Variants in URGCP observed in about 807,000 individuals in gnomAD.
URGCP encodes up-regulator of cell proliferation.
URGCP carries 13 observed loss-of-function variants against 24.6 expected under a neutral mutation model. The ratio of observed to expected loss-of-function variants is 0.53; its 90% CI spans 0.34 to 0.84. The LOEUF is 0.84. Ranked by LOEUF, URGCP falls within the 40% of genes least tolerant of loss-of-function variation. The pLI is 0.01. For synonymous variants in URGCP, 444 were observed against 487.2 expected (o/e 0.91, Z 1.17); for missense variants, 899 against 1,194.3 (o/e 0.75, Z 3.64).
At chr7:43,881,619 C>G in intron 5 of URGCP, 40 bp downstream of exon 5, 2 of 1,613,796 alleles carry the variant, frequency 1.2e-6, no homozygotes, top group Non-Finnish European at 1.7e-6. Context: ...TGATAACCCC[C>G]TTTCATAGAA....
chr7:43,884,612 T>A (rs775750169), intron 3 of URGCP, among the ~76,000 whole-genome samples: 2 of 152,164 alleles, frequency 1.3e-5, no homozygotes, highest in Admixed American at 6.5e-5. Flanking sequence ...GAGGATCACT[T>A]GAGTTCAGGA....
intron 3 of URGCP, among the ~76,000 whole-genome samples, chr7:43,883,365 T>A (rs891691353): frequency 3.1e-3 from 396 of 127,628 alleles, no homozygotes; most frequent in South Asian, 7.6e-3. Context: ...TATATATATT[T>A]TTTTTTTTTT....
At chr7:43,918,809 G>A in intron 1 of URGCP, 2 of 1,147,184 alleles carry the variant, frequency 1.7e-6, no homozygotes. Flanking sequence ...GCACCATGGA[G>A]GAGTTCGCTA....
At chr7:43,893,464 T>C (rs898209500) in intron 1 of URGCP, among the ~76,000 whole-genome samples, 10 of 152,222 alleles carry the variant, frequency 6.6e-5, no homozygotes, top group Non-Finnish European at 1.3e-4. Flanking sequence ...CAGGCTACAG[T>C]AGGCAGTGAC....
intron 1 of URGCP, among the ~76,000 whole-genome samples, chr7:43,892,045 T>A (rs1050579741): frequency 6.6e-6 from 1 of 152,010 alleles, no homozygotes; most frequent in African/African-American, 2.4e-5. Flanking sequence ...CCTCCCAAAG[T>A]GCTGGGATTA....
chr7:43,878,212 T>C lies in URGCP; in HGVS notation c.1251A>G (p.Val417=), dbSNP rs1032994239. The C allele has an allele frequency of 6.2e-7, 1 of 1,614,232 alleles. No individual in the cohort carries two copies. The highest frequency in any genetic ancestry group is 8.5e-7 in the Non-Finnish European group (1 of 1,180,050). ...VLKIDHSHVL[V]KVSSTDSDSF... ...TGTCGCTGTCAGTGCTGCTGACCTTTACCAGGACATGTGAGTGGTCTATTT... is the reference window on the plus strand; with the variant it reads ...TGTCGCTGTCAGTGCTGCTGACCTTCACCAGGACATGTGAGTGGTCTATTT... Residue 417 remains valine, a synonymous_variant, in exon 6 of 6, where the codon GTA becomes GTG. Coordinates refer to ENST00000453200, the MANE Select transcript of URGCP (RefSeq NM_001077663.3). The surrounding 1 kb of genome is among the most constrained non-coding windows in gnomAD (Gnocchi z 5.6).
chr7:43,885,510 GAAC>G (rs10617600), intron 3 of URGCP, among the ~76,000 whole-genome samples: 39,657 of 151,902 alleles, frequency 0.26, 6,388 homozygotes, highest in South Asian at 0.48. Flanking sequence ...AACTCATGAA[GAAC>G]AACTATAAAG....
At chr7:43,896,454 CAAAA>C (rs34790770) in intron 1 of URGCP, among the ~76,000 whole-genome samples, 2 of 85,132 alleles carry the variant, frequency 2.3e-5, no homozygotes. Flanking sequence ...GACTCTGTCT[CAAAA>C]AAAAAAAAAA....
Position 43,876,759 on chromosome 7 carries a change from A to G in URGCP, c.2704T>C (p.Leu902=), listed in dbSNP as rs762017140. The change falls in exon 6 of 6, where the codon TTG becomes CTG. Residue 902 remains leucine (L), a synonymous_variant. Coordinates refer to ENST00000453200, the MANE Select transcript of URGCP (RefSeq NM_001077663.3). ...SLAYSEAIFE[L]KRCLLENIRN... ...ATGTTTTCGAGTAGGCATCTCTTCA[A>G]TTCAAATATGGCTTCACTGTAGGCC... 3.7e-6 allele frequency: 6 copies of G among 1,614,068 alleles called. No homozygotes were observed. The highest frequency in any genetic ancestry group is 3.4e-6 in the Non-Finnish European group (4 of 1,180,028).
At chr7:43,883,353 TATA>T in intron 3 of URGCP, among the ~76,000 whole-genome samples, 1 of 100,854 alleles carries the variant, frequency 9.9e-6, no homozygotes, top group Non-Finnish European at 1.8e-5. Flanking sequence ...TATATATATA[TATA>T]TATATATTTT....
chr7:43,914,984 T>C (rs968848915), intron 1 of URGCP, among the ~76,000 whole-genome samples: 1 of 152,150 alleles, frequency 6.6e-6, no homozygotes, highest in Non-Finnish European at 1.5e-5. Flanking sequence ...ACGGCCCGCA[T>C]GCGCACTGAA....
chr7:43,910,382 A>ATTT (rs1158648185), upstream of URGCP, among the ~76,000 whole-genome samples: 857 of 90,082 alleles, frequency 9.5e-3, 52 homozygotes, highest in African/African-American at 0.037. Flanking sequence ...TGTCTGGCTA[A>ATTT]TTTTTTTTTT....
intron 1 of URGCP, among the ~76,000 whole-genome samples, chr7:43,893,781 G>T (rs970837794): frequency 6.6e-6 from 1 of 152,204 alleles, no homozygotes; most frequent in African/African-American, 2.4e-5. Flanking sequence ...CGAGGCAGGA[G>T]AATTGCTTGA....
chr7:43,879,288 C>T (rs2095850456), intron 5 of URGCP, 28 bp from the exon 6 acceptor site: 2 of 1,573,038 alleles, frequency 1.3e-6, no homozygotes, highest in Non-Finnish European at 1.7e-6. Flanking sequence ...GACATAAGTG[C>T]TCACCCTGTG....
chr7:43,891,164 GC>G (rs1471470390), intron 1 of URGCP, among the ~76,000 whole-genome samples: 2 of 152,040 alleles, frequency 1.3e-5, no homozygotes, highest in African/African-American at 4.8e-5. Context: ...GTCCATCCAT[GC>G]CTAGAATAGA....
chr7:43,898,659 G>C (rs1220910803), intron 1 of URGCP, among the ~76,000 whole-genome samples: 1 of 152,030 alleles, frequency 6.6e-6, no homozygotes, highest in Admixed American at 6.6e-5. Context: ...CAGTTATTCA[G>C]GAGGCTGAGG....
upstream of URGCP, chr7:43,926,667 C>G: frequency 4.2e-6 from 5 of 1,202,540 alleles, no homozygotes; most frequent in Non-Finnish European, 5.6e-6. Flanking sequence ...GTCGCGGATA[C>G]ACCTGCCTGG....
At position 43,914,449 on chromosome 7, in the gene URGCP, G is replaced by A. The variant is rs890973573; in HGVS notation, c.-116+11683C>T. On this transcript the variant is annotated intron_variant, in intron 1 of 5. Transcript: ENST00000426198. ...GAGCCTGGGAGATGGAGGTTGCAGT[G>A]AGCCAAGATCATACCACTGTACTCC... is the stretch of plus-strand genomic sequence containing the variant. Among the ~76,000 whole-genome samples the A allele has an allele frequency of 2.0e-5, 3 of 152,156 alleles. 1 individual carries two copies. In the South Asian group the frequency reaches 6.2e-4, roughly 32 times the overall value.
chr7:43,906,418 CT>C, intron 1 of URGCP, 143 bp downstream of exon 1: 6 of 936,770 alleles, frequency 6.4e-6, no homozygotes, highest in Non-Finnish European at 7.7e-6. Flanking sequence ...GGCCGTGGGC[CT>C]GGTGGGCCTG....
Sources: allele counts gnomAD v4.1 joint callset (sites outside exome capture counted in the v4.1 genomes callset), GRCh38; gene constraint gnomAD v4.1.1; non-coding constraint Gnocchi (gnomAD v3.1); transcripts MANE v1.5; gene names NCBI Gene and HGNC (gene_info 2026-07-23, HGNC 2026-07-21).